ADAMTSL1: variants seen among roughly 807,000 people sequenced by gnomAD.
ADAMTSL1 encodes ADAMTS-like protein 1.
Under a neutral mutation model 201.8 loss-of-function variants are expected in ADAMTSL1, and 126 were observed. That is an observed-to-expected ratio of 0.62 (90% CI 0.54 to 0.72). The LOEUF (loss-of-function observed/expected upper bound fraction) is 0.72, where lower values mean the gene tolerates loss of function less well. Among genes scored for constraint, ADAMTSL1 ranks in the 30% least tolerant of loss-of-function variants. ADAMTSL1 has a pLI of 0.00. For missense variants in ADAMTSL1, 2,679 were observed against 2,277.8 expected (o/e 1.18, Z -3.59); for synonymous variants, 1,121 against 903.4 (o/e 1.24, Z -4.32).
chr9:18,129,645 A>G (rs12340924), intron 1 of ADAMTSL1, among the ~76,000 whole-genome samples: 2 of 152,342 alleles, frequency 1.3e-5, no homozygotes, highest in East Asian at 3.9e-4. Context: ...AGTTAATCTT[A>G]TTTAAAATGA....
rs202150480 is a variant in ADAMTSL1, at chr9:18,828,641, G to A, written c.4115-1202G>A. Among the ~76,000 whole-genome samples the A allele has an allele frequency of 1.2e-4, 5 of 40,382 alleles. No individual in the cohort carries two copies. In the East Asian group the frequency reaches 4.2e-3, roughly 34 times the overall value. The allele number at this position is 40,382 out of a possible 152,430, so 26.5% of individuals were successfully genotyped here. On this transcript the variant is annotated intron_variant, in intron 22 of 28. Transcript: ENST00000380548. ...GTTTTTCTCTATGCCATATGAAAAG[G>A]ATTCTTTTGAAAGTATATTTATATA...
At chr9:18,242,332 T>G (rs891694363) in intron 2 of ADAMTSL1, among the ~76,000 whole-genome samples, 1 of 152,094 alleles carries the variant, frequency 6.6e-6, no homozygotes, top group Non-Finnish European at 1.5e-5. Context: ...TAAAAACTCT[T>G]AACATTTTAG....
chr9:18,390,347 A>C (rs1302678588), intron 2 of ADAMTSL1, among the ~76,000 whole-genome samples: 2 of 152,218 alleles, frequency 1.3e-5, no homozygotes, highest in African/African-American at 4.8e-5. Flanking sequence ...TAGCACGGTA[A>C]CTTCTGCACT....
chr9:17,993,711 T>C (rs1373231808), intron 1 of ADAMTSL1, among the ~76,000 whole-genome samples: 3 of 152,154 alleles, frequency 2.0e-5, no homozygotes, highest in Non-Finnish European at 4.4e-5. Flanking sequence ...TAATACAGAG[T>C]ATCATTTGGA....
chr9:18,049,883 A>G (rs1181785085), intron 1 of ADAMTSL1, among the ~76,000 whole-genome samples: 1 of 152,144 alleles, frequency 6.6e-6, no homozygotes, highest in Non-Finnish European at 1.5e-5. Flanking sequence ...TCGGCCTCCC[A>G]AAGTGCTGGG....
chr9:18,101,382 C>G (rs1824514332), intron 1 of ADAMTSL1, among the ~76,000 whole-genome samples: 1 of 151,738 alleles, frequency 6.6e-6, no homozygotes, highest in Non-Finnish European at 1.5e-5. Context: ...CCTGTAATCC[C>G]AGCTACTCAG....
chr9:18,813,839 C>T (rs28809508), intron 20 of ADAMTSL1, among the ~76,000 whole-genome samples: 2 of 152,118 alleles, frequency 1.3e-5, no homozygotes, highest in African/African-American at 4.8e-5. Flanking sequence ...CTAAGACTTG[C>T]AGTACTATGT....
intron 23 of ADAMTSL1, among the ~76,000 whole-genome samples, chr9:18,875,729 G>T (rs1312338529): frequency 6.6e-6 from 1 of 152,150 alleles, no homozygotes; most frequent in African/African-American, 2.4e-5. Context: ...TTCTGCAGTT[G>T]TTGGGTAGAA....
chr9:18,283,199 CTCTT>C (rs911900639), intron 2 of ADAMTSL1, among the ~76,000 whole-genome samples: 2 of 152,212 alleles, frequency 1.3e-5, no homozygotes, highest in African/African-American at 4.8e-5. Flanking sequence ...AAATACTCCT[CTCTT>C]TCTCTAGCAA....
chr9:18,618,010 G>A (rs1448534234), intron 4 of ADAMTSL1, among the ~76,000 whole-genome samples: 1 of 152,168 alleles, frequency 6.6e-6, no homozygotes, highest in Admixed American at 6.5e-5. Flanking sequence ...TCACTTAAAT[G>A]TTTTGTCCAG....
chr9:18,890,579 C>G (rs1226880004), intron 25 of ADAMTSL1: 2 of 455,784 alleles, frequency 4.4e-6, no homozygotes, highest in African/African-American at 2.0e-5. Flanking sequence ...CAGCTGAAAC[C>G]AGGAGAGATT....
chr9:18,203,113 A>C (rs79948682), intron 2 of ADAMTSL1, among the ~76,000 whole-genome samples: 2,399 of 152,222 alleles, frequency 0.016, 72 homozygotes, highest in African/African-American at 0.054. Flanking sequence ...AAAGCTGTCC[A>C]TGAATTGCAC....
Position 18,534,077 on chromosome 9 carries a change from A to G in ADAMTSL1, c.237+785A>G, listed in dbSNP as rs889076826. Among the ~76,000 whole-genome samples, 55 of 152,206 alleles carry G rather than the reference A, an allele frequency of 3.6e-4. 2 individuals are homozygous for G. The highest frequency in any genetic ancestry group is 2.4e-5 in the African/African-American group (1 of 41,470). ...AGAATTGAAATATATTTTTGAGGTT[A>G]TATCATAAAAAGATTCGAATGTTAG... is the stretch of plus-strand genomic sequence containing the variant. On this transcript the variant is annotated intron_variant, in intron 3 of 28. Coordinates refer to ENST00000380548, the MANE Select transcript of ADAMTSL1 (RefSeq NM_001040272.6).
At chr9:18,712,182 G>A (rs1246917044) in intron 14 of ADAMTSL1, among the ~76,000 whole-genome samples, 1 of 152,094 alleles carries the variant, frequency 6.6e-6, no homozygotes, top group Admixed American at 6.6e-5. Flanking sequence ...ACTCTAAAAA[G>A]CAGAGCGCCT....
intron 1 of ADAMTSL1, among the ~76,000 whole-genome samples, chr9:18,038,184 T>A (rs1217485424): frequency 6.6e-6 from 1 of 152,148 alleles, no homozygotes; most frequent in African/African-American, 2.4e-5. Flanking sequence ...AGGTAGACCA[T>A]CTGCTCATGA....
intron 19 of ADAMTSL1, among the ~76,000 whole-genome samples, chr9:18,785,824 T>G (rs924178268): frequency 5.3e-5 from 8 of 152,250 alleles, no homozygotes; most frequent in Non-Finnish European, 1.0e-4. Flanking sequence ...AGGGCAGTGC[T>G]GACTTCCTTG....
At chr9:18,560,802 T>G (rs933164481) in intron 3 of ADAMTSL1, among the ~76,000 whole-genome samples, 6 of 152,166 alleles carry the variant, frequency 3.9e-5, no homozygotes, top group African/African-American at 1.4e-4. Context: ...TACAGGTGTT[T>G]ACAGTATTCT....
chr9:18,738,172 A>G (rs1297963925), intron 15 of ADAMTSL1, among the ~76,000 whole-genome samples: 2 of 152,214 alleles, frequency 1.3e-5, no homozygotes, highest in African/African-American at 2.4e-5. Flanking sequence ...GATGGTCACT[A>G]GACATCATAT....
intron 1 of ADAMTSL1, among the ~76,000 whole-genome samples, chr9:18,037,644 A>T (rs1163141943): frequency 1.3e-5 from 2 of 152,184 alleles, no homozygotes; most frequent in Non-Finnish European, 2.9e-5. Context: ...ATAAGATTTC[A>T]GATAGCTCCT....
Sources: gnomAD v4.1 joint callset for allele counts (sites outside exome capture counted in the v4.1 genomes callset) on GRCh38, gnomAD v4.1.1 for gene constraint, MANE v1.5 for transcripts, NCBI Gene and HGNC (gene_info 2026-07-23, HGNC 2026-07-21) for gene names.